The following CDCA5 variants were observed in gnomAD, a reference collection of about 807,000 sequenced individuals.
The protein encoded by CDCA5 is sororin.
CDCA5 carries 14 observed loss-of-function variants against 25.7 expected under a neutral mutation model. The observed-to-expected ratio is 0.54, with a 90% CI of 0.36 to 0.85. The LOEUF is 0.85. CDCA5 is among the 40% of genes least tolerant of loss of function. The pLI, the probability that CDCA5 is intolerant of heterozygous loss-of-function variation, is 0.01. For missense variants in CDCA5, 307 were observed against 324.5 expected, an observed-to-expected ratio of 0.95 and a Z score of 0.41; for synonymous variants, 127 against 128.7, an observed-to-expected ratio of 0.99 and a Z score of 0.09.
chr11:65,079,307 G>A (rs762375035), intron 5 of CDCA5, 46 bp downstream of exon 5: 16 of 1,613,246 alleles, frequency 9.9e-6, no homozygotes, highest in African/African-American at 1.3e-5. Flanking sequence ...AGCCCTGCAC[G>A]TCTCCCAGAG....
downstream of CDCA5, among the ~76,000 whole-genome samples, chr11:65,065,411 C>T (rs1219736836): frequency 6.6e-6 from 1 of 152,154 alleles, no homozygotes; most frequent in Non-Finnish European, 1.5e-5. Context: ...CCTCAGCCTC[C>T]CAAGTAGCTG....
downstream of CDCA5, among the ~76,000 whole-genome samples, chr11:65,076,019 G>C (rs1264831248): frequency 6.6e-6 from 1 of 152,210 alleles, no homozygotes; most frequent in Non-Finnish European, 1.5e-5. Flanking sequence ...AGAGTGACGA[G>C]GGCATTGGGA....
chr11:65,069,585 T>G lies in CDCA5; in HGVS notation c.64-984A>C, dbSNP rs914878623. Among the ~76,000 whole-genome samples the G allele has an allele frequency of 2.0e-5, 3 of 152,300 alleles. No individual in the cohort carries two copies. The South Asian group carries it at 6.2e-4, about 32-fold the overall frequency. ...AGGTAGCTCTGTCACCAGGAGAACC[T>G]GGCTGCGTATAACAAGATCCACAGA... On this transcript the variant is annotated intron_variant, in intron 1 of 6. Coordinates refer to the CDCA5 transcript ENST00000525464.
chr11:65,079,491 G>A lies in CDCA5; in HGVS notation c.540C>T (p.Val180=), dbSNP rs1947516547. ...GLLGAEDLSG[V]SPVVCSKLTE... ...TGAGTTTGGAGCACACCACTGGCGA[G>A]ACTCCGGACAAGTCTTCTGCCCCCA... Residue 180 remains valine (V), a synonymous_variant, in exon 5 of 6, where the codon GTC becomes GTT. Coordinates refer to ENST00000275517, the MANE Select transcript of CDCA5 (RefSeq NM_080668.4). The A allele has an allele frequency of 6.2e-7, 1 of 1,614,054 alleles. No homozygotes were observed. Among genetic ancestry groups the A allele is most frequent in the African/African-American group, 1.3e-5 (1 of 74,914 alleles).
chr11:65,061,716 A>G (rs1947187489), downstream of CDCA5, among the ~76,000 whole-genome samples: 1 of 140,960 alleles, frequency 7.1e-6, no homozygotes, highest in African/African-American at 2.6e-5. Flanking sequence ...CAGAGCTTGC[A>G]GTGAGCCGAG....
In CDCA5 at chr11:65,083,717, C is replaced by G; in HGVS notation, c.53G>C (p.Arg18Thr). 6.2e-7 allele frequency: 1 copy of G among 1,612,634 alleles called. No individual in the cohort carries two copies. Among genetic ancestry groups the G allele is most frequent in the Non-Finnish European group, 8.5e-7 (1 of 1,179,550 alleles). ...CAGAGGCTTAGTAGGAGATGGGGCC[C>G]TTGGCCCTGGAAAGAGAAAAAAGTT... is the stretch of plus-strand genomic sequence containing the variant. The part of the protein sequence containing the change: ...SGGAAQRSGP[R>T]APSPTKPLRR... Residue 18 changes from arginine (R) to threonine (T), a missense_variant, in exon 2 of 6, where the codon AGG becomes ACG. Arg to Thr is a moderately conservative substitution (Grantham distance 71). Coordinates refer to ENST00000275517, the MANE Select transcript of CDCA5 (RefSeq NM_080668.4).
At chr11:65,082,590 G>A (rs959629084) in intron 4 of CDCA5, among the ~76,000 whole-genome samples, 3 of 151,178 alleles carry the variant, frequency 2.0e-5, no homozygotes. Flanking sequence ...AGCCTCCTGA[G>A]TAGCTGGGAC....
At position 65,078,683 on chromosome 11, in the gene CDCA5, G is replaced by A. The variant is rs534300959; in HGVS notation, c.*424C>T. The A allele has an allele frequency of 2.0e-6, 2 of 1,000,638 alleles. No individual in the cohort carries two copies. Among genetic ancestry groups the A allele is most frequent in the East Asian group, 2.1e-4 (2 of 9,730 alleles). The allele number at this position is 1,000,638 out of a possible 1,614,324, so 62.0% of individuals were successfully genotyped here. A position where few individuals can be genotyped will look rare whatever the true frequency, so the allele number is the denominator to read the frequency against. On this transcript the variant is annotated 3_prime_UTR_variant, in exon 6 of 6. Coordinates refer to ENST00000275517, the MANE Select transcript of CDCA5 (RefSeq NM_080668.4). ...AAGCCACCAACAGAAGGCAACTCAG[G>A]AGGGAGAGGCCGAGGCTGGCAGAGC...
At position 65,081,628 on chromosome 11, in the gene CDCA5, A is replaced by G. The variant is rs74438432; in HGVS notation, c.243+1736T>C. Among the ~76,000 whole-genome samples, 600 of 152,150 alleles carry G rather than the reference A, an allele frequency of 3.9e-3. 8 individuals are homozygous for G. Among genetic ancestry groups the G allele is most frequent in the African/African-American group, 0.014 (576 of 41,514 alleles). On this transcript the variant is annotated intron_variant, in intron 4 of 5. Coordinates refer to ENST00000275517, the MANE Select transcript of CDCA5 (RefSeq NM_080668.4). ...ACCCTCAAGGTGCCTGTGTTCTTAG[A>G]GGGGGGAGAGAAAGACATCAAACAT...
chr11:65,078,515 C>CA lies in CDCA5; in HGVS notation c.*591dup, dbSNP rs1947490406. 2 of 985,524 alleles carry CA rather than the reference C, an allele frequency of 2.0e-6. No homozygotes were observed. The highest frequency in any genetic ancestry group is 1.7e-5 in the African/African-American group (1 of 57,242). The allele number at this position is 985,524 out of a possible 1,614,324, so 61.0% of individuals were successfully genotyped here. A position where few individuals can be genotyped will look rare whatever the true frequency, so the allele number is the denominator to read the frequency against. ...AAGGCTCCCTACATCCTTCAAAACTCAGACTCCACAGGCTGAATGTCCAGC... is the reference window on the plus strand; with the variant it reads ...AAGGCTCCCTACATCCTTCAAAACTCAAGACTCCACAGGCTGAATGTCCAGC... On this transcript the variant is annotated 3_prime_UTR_variant, in exon 6 of 6. Coordinates refer to ENST00000275517, the MANE Select transcript of CDCA5 (RefSeq NM_080668.4).
chr11:65,080,538 G>C (rs1947544328), intron 4 of CDCA5, among the ~76,000 whole-genome samples: 2 of 152,164 alleles, frequency 1.3e-5, no homozygotes, highest in South Asian at 4.1e-4. Flanking sequence ...CTCAGCCTCT[G>C]AGTAGCCGGG....
At chr11:65,063,138 G>A (rs1947201032), downstream of CDCA5, among the ~76,000 whole-genome samples, 1 of 152,224 alleles carries the variant, frequency 6.6e-6, no homozygotes, top group South Asian at 2.1e-4. Flanking sequence ...GATCCCCTCT[G>A]GGTAAGCCCC....
intron 1 of CDCA5, 88 bp downstream of exon 1, chr11:65,083,845 G>C: frequency 1.9e-6 from 3 of 1,593,874 alleles, no homozygotes; most frequent in Non-Finnish European, 2.6e-6. Flanking sequence ...TCCTCCGGCG[G>C]CGGCAGCGGG....
chr11:65,079,915 G>C, intron 4 of CDCA5, 128 bp from the exon 5 acceptor site: 1 of 640,942 alleles, frequency 1.6e-6, no homozygotes, highest in Non-Finnish European at 2.4e-6. Context: ...TTTTGAGACG[G>C]AGTCTTGCTC....
chr11:65,064,617 G>C (rs1282232756), downstream of CDCA5, among the ~76,000 whole-genome samples: 1 of 152,020 alleles, frequency 6.6e-6, no homozygotes, highest in Admixed American at 6.6e-5. Flanking sequence ...TGTTTGTACA[G>C]CAGGGCCCCT....
chr11:65,075,772 A>G (rs915376290), downstream of CDCA5, among the ~76,000 whole-genome samples: 3 of 152,200 alleles, frequency 2.0e-5, no homozygotes, highest in Non-Finnish European at 2.9e-5. Flanking sequence ...TAGGTTGGAG[A>G]TAAAGATGGA....
At chr11:65,072,771 C>A (rs770546105), downstream of CDCA5, among the ~76,000 whole-genome samples, 4 of 152,066 alleles carry the variant, frequency 2.6e-5, no homozygotes, top group African/African-American at 4.8e-5. Flanking sequence ...TACACAGCTA[C>A]TGTGTAAACG....
intron 4 of CDCA5, chr11:65,067,605 CG>C: frequency 8.5e-7 from 1 of 1,182,826 alleles, no homozygotes; most frequent in Non-Finnish European, 1.1e-6. Context: ...TGGCCTTGGT[CG>C]GGGGAAGCCC....
intron 3 of CDCA5, chr11:65,068,014 C>T: frequency 7.8e-7 from 1 of 1,281,428 alleles, no homozygotes. Flanking sequence ...CTCTCTCTCT[C>T]ATGCAGCCTT....
Sources: allele counts gnomAD v4.1 joint callset (sites outside exome capture counted in the v4.1 genomes callset), GRCh38; gene constraint gnomAD v4.1.1; transcripts MANE v1.5; gene names NCBI Gene and HGNC (gene_info 2026-07-23, HGNC 2026-07-21).